The following SNTG1 variants were observed in gnomAD, a reference collection of about 807,000 sequenced individuals.
SNTG1 encodes the protein syntrophin gamma 1.
Under a neutral mutation model 74.7 loss-of-function variants are expected in SNTG1, and 39 were observed. That is an observed-to-expected ratio of 0.52 (90% CI 0.40 to 0.68). The LOEUF (loss-of-function observed/expected upper bound fraction) is 0.68. Ranked by LOEUF, SNTG1 falls within the 30% of genes least tolerant of loss-of-function variation. SNTG1 has a pLI of 0.00. For missense variants in SNTG1, 685 were observed against 609.5 expected (o/e 1.12, Z -1.30); for synonymous variants, 254 against 217.1 (o/e 1.17, Z -1.49).
intron 5 of SNTG1, among the ~76,000 whole-genome samples, chr8:50,447,860 AG>A (rs2093420806): frequency 6.6e-6 from 1 of 152,354 alleles, no homozygotes; most frequent in South Asian, 2.1e-4. Context: ...ATAAATATTA[AG>A]GGTCTTAGAA....
chr8:50,301,220 C>G (rs2089631616), intron 2 of SNTG1, among the ~76,000 whole-genome samples: 3 of 152,170 alleles, frequency 2.0e-5, no homozygotes, highest in Admixed American at 6.5e-5. Flanking sequence ...TGTCATTATG[C>G]TTGATGGTGT....
At chr8:50,761,928 A>G (rs2095600186) in intron 18 of SNTG1, among the ~76,000 whole-genome samples, 1 of 152,032 alleles carries the variant, frequency 6.6e-6, no homozygotes, top group Non-Finnish European at 1.5e-5. Context: ...CACATAAATC[A>G]CACTAAAATG....
At chr8:49,946,892 C>G (rs969016905) in intron 1 of SNTG1, among the ~76,000 whole-genome samples, 3 of 152,026 alleles carry the variant, frequency 2.0e-5, no homozygotes, top group Admixed American at 2.0e-4. Flanking sequence ...AATTAATGTC[C>G]CCAAATATTC....
intron 5 of SNTG1, among the ~76,000 whole-genome samples, chr8:50,438,994 G>C (rs2093333063): frequency 6.6e-6 from 1 of 152,050 alleles, no homozygotes; most frequent in Non-Finnish European, 1.5e-5. Flanking sequence ...ATTGTATTCT[G>C]TTCATCTTGT....
intron 2 of SNTG1, among the ~76,000 whole-genome samples, chr8:50,346,663 G>A (rs539709043): frequency 2.0e-5 from 3 of 152,342 alleles, no homozygotes; most frequent in Admixed American, 1.3e-4. Flanking sequence ...TGAATGCAAA[G>A]AGAAAGATTT....
intron 1 of SNTG1, among the ~76,000 whole-genome samples, chr8:50,002,998 A>G (rs1814885764): frequency 6.6e-6 from 1 of 152,178 alleles, no homozygotes; most frequent in Non-Finnish European, 1.5e-5. Context: ...GCAAGTCACA[A>G]AGTCCCACAT....
intron 18 of SNTG1, among the ~76,000 whole-genome samples, chr8:50,753,958 T>C (rs1246777548): frequency 1.3e-5 from 2 of 151,944 alleles, no homozygotes. Context: ...ACAATAATGC[T>C]AGACAATCAG....
intron 13 of SNTG1, among the ~76,000 whole-genome samples, chr8:50,650,712 T>C (rs2095139657): frequency 1.3e-5 from 2 of 152,144 alleles, no homozygotes; most frequent in South Asian, 4.1e-4. Flanking sequence ...TTTATTTATT[T>C]ATTTTTTGAG....
chr8:50,358,357 A>G (rs963025142), intron 2 of SNTG1, among the ~76,000 whole-genome samples: 1 of 152,220 alleles, frequency 6.6e-6, no homozygotes, highest in African/African-American at 2.4e-5. Context: ...CTAATGGAGG[A>G]TACAAGCAAA....
At chr8:50,596,127 G>C (rs961426301) in intron 13 of SNTG1, among the ~76,000 whole-genome samples, 2 of 151,904 alleles carry the variant, frequency 1.3e-5, no homozygotes, top group African/African-American at 2.4e-5. Context: ...CCTATGGTCA[G>C]GCTTTTAATT....
chr8:50,003,722 G>A (rs1279300358), intron 1 of SNTG1, among the ~76,000 whole-genome samples: 12 of 152,064 alleles, frequency 7.9e-5, no homozygotes, highest in East Asian at 5.8e-4. Flanking sequence ...ATCTGCTCTC[G>A]TATATATTAA....
intron 2 of SNTG1, among the ~76,000 whole-genome samples, chr8:50,191,149 A>G (rs1387936390): frequency 1.3e-5 from 2 of 152,124 alleles, no homozygotes; most frequent in Non-Finnish European, 2.9e-5. Flanking sequence ...TATGTCAAAT[A>G]TGTTAGGCTG....
chr8:49,928,368 C>T (rs2450285), intron 1 of SNTG1, among the ~76,000 whole-genome samples: 129,364 of 151,280 alleles, frequency 0.86, 55,496 homozygotes, highest in East Asian at 1. Flanking sequence ...GTAGCTGGAA[C>T]TACAGGCACT....
chr8:50,704,487 G>C, intron 15 of SNTG1, 113 bp from the exon 16 acceptor site: 1 of 1,285,998 alleles, frequency 7.8e-7, no homozygotes, highest in Non-Finnish European at 1.1e-6. Context: ...TGGTGAATTC[G>C]CAGAGTGTTG....
chr8:50,169,798 G>A (rs902657517), intron 1 of SNTG1, among the ~76,000 whole-genome samples: 5 of 152,162 alleles, frequency 3.3e-5, no homozygotes, highest in African/African-American at 9.7e-5. Flanking sequence ...ACTAGGAGCT[G>A]AGTGTAGTGG....
At chr8:50,414,654 C>A (rs1400030241) in intron 4 of SNTG1, among the ~76,000 whole-genome samples, 1 of 151,518 alleles carries the variant, frequency 6.6e-6, no homozygotes, top group Non-Finnish European at 1.5e-5. Context: ...TTATTTTATT[C>A]ATCATTTTAT....
intron 6 of SNTG1, among the ~76,000 whole-genome samples, chr8:50,450,003 C>A (rs1431470861): frequency 6.6e-6 from 1 of 152,124 alleles, no homozygotes; most frequent in Non-Finnish European, 1.5e-5. Context: ...TTTCATTAAA[C>A]CAACAAAGAT....
intron 1 of SNTG1, among the ~76,000 whole-genome samples, chr8:50,082,074 C>T (rs908587104): frequency 1.3e-5 from 2 of 152,104 alleles, no homozygotes; most frequent in African/African-American, 4.8e-5. Context: ...TTGTTATTGT[C>T]CATTTTAACT....
At chr8:50,157,059 A>G (rs866931327) in intron 1 of SNTG1, among the ~76,000 whole-genome samples, 31 of 152,140 alleles carry the variant, frequency 2.0e-4, no homozygotes, top group African/African-American at 7.2e-4. Context: ...ATATTTATGC[A>G]ATGATTGCTA....
Sources: allele counts gnomAD v4.1 joint callset (sites outside exome capture counted in the v4.1 genomes callset), GRCh38; gene constraint gnomAD v4.1.1; transcripts MANE v1.5; gene names NCBI Gene and HGNC (gene_info 2026-07-23, HGNC 2026-07-21).